Variants in COL21A1 observed in about 807,000 individuals in gnomAD.
COL21A1 encodes collagen type XXI alpha 1 chain.
In COL21A1, 149 loss-of-function variants were observed where a neutral mutation model predicts 137.9. The observed-to-expected ratio is 1.08, with a 90% CI of 0.95 to 1.24. The LOEUF (loss-of-function observed/expected upper bound fraction) is 1.24, where lower values mean the gene tolerates loss of function less well. COL21A1 is among the 50% of genes most tolerant of loss of function. The pLI is 0.00. For missense variants in COL21A1, 1,167 were observed against 1,158.4 expected (o/e 1.01, Z -0.11); for synonymous variants, 456 against 391.5 (o/e 1.16, Z -1.95).
chr6:56,238,720 G>A (rs1358187750), intron 1 of COL21A1, among the ~76,000 whole-genome samples: 2 of 152,094 alleles, frequency 1.3e-5, no homozygotes, highest in African/African-American at 4.8e-5. Context: ...GTACTAGGTG[G>A]ATAATGGCTA....
At chr6:56,244,989 G>T (rs1782561190) in intron 1 of COL21A1, among the ~76,000 whole-genome samples, 1 of 152,140 alleles carries the variant, frequency 6.6e-6, no homozygotes, top group Admixed American at 6.6e-5. Context: ...AGGAAGAAAA[G>T]GACTCATTAC....
At chr6:56,188,523 C>T (rs1463885421) in intron 1 of COL21A1, among the ~76,000 whole-genome samples, 1 of 152,206 alleles carries the variant, frequency 6.6e-6, no homozygotes, top group African/African-American at 2.4e-5. Context: ...TCTCCCTGGA[C>T]AGAGCACCTG....
intron 16 of COL21A1, among the ~76,000 whole-genome samples, chr6:56,122,486 T>G (rs902843409): frequency 2.0e-5 from 3 of 152,130 alleles, no homozygotes; most frequent in Non-Finnish European, 4.4e-5. Context: ...CTAATTTTTT[T>G]GTATTTTTAA....
chr6:56,222,526 C>T lies in COL21A1; in HGVS notation c.-39+24861G>A, dbSNP rs1780901968. ...AGAATATAAAACAAAAGAGGCATTGCTTCTCTAGGGAGTAATTAAATTTAA... is the reference window on the plus strand; with the variant it reads ...AGAATATAAAACAAAAGAGGCATTGTTTCTCTAGGGAGTAATTAAATTTAA... On this transcript the variant is annotated intron_variant, in intron 1 of 29. Coordinates refer to ENST00000244728, the MANE Select transcript of COL21A1 (RefSeq NM_030820.4). Among the ~76,000 whole-genome samples, 3 of 152,100 alleles carry T rather than the reference C, an allele frequency of 2.0e-5. No homozygotes were observed. In the South Asian group the frequency reaches 6.2e-4, roughly 32 times the overall value.
At chr6:56,070,245 T>C (rs1766626101) in intron 21 of COL21A1, among the ~76,000 whole-genome samples, 1 of 151,570 alleles carries the variant, frequency 6.6e-6, no homozygotes, top group Admixed American at 6.6e-5. Flanking sequence ...CTTTGCTTAC[T>C]GTACTTACTT....
At chr6:56,271,084 G>A (rs867556598) in intron 1 of COL21A1, among the ~76,000 whole-genome samples, 28 of 152,172 alleles carry the variant, frequency 1.8e-4, no homozygotes, top group African/African-American at 6.3e-4. Flanking sequence ...CAGTTTGGAT[G>A]GCGCAGAAGA....
chr6:56,342,611 C>T (rs550931942), intron 1 of COL21A1, among the ~76,000 whole-genome samples: 2 of 152,158 alleles, frequency 1.3e-5, no homozygotes, highest in Non-Finnish European at 2.9e-5. Context: ...GTCATTTCTG[C>T]TTTCATTTTT....
At chr6:56,156,079 T>C (rs1775722158) in intron 10 of COL21A1, among the ~76,000 whole-genome samples, 1 of 152,236 alleles carries the variant, frequency 6.6e-6, no homozygotes, top group South Asian at 2.1e-4. Context: ...GTGTATACAT[T>C]ATTAGGAAAA....
At chr6:56,218,444 T>C (rs2152310839) in intron 1 of COL21A1, among the ~76,000 whole-genome samples, 2 of 152,252 alleles carry the variant, frequency 1.3e-5, no homozygotes, top group Middle Eastern at 6.8e-3. Flanking sequence ...CTTGTTATTG[T>C]TATAAATCTA....
chr6:56,061,649 C>A lies in COL21A1; in HGVS notation c.2205G>T (p.Glu735Asp), dbSNP rs868511996. The change falls in exon 25 of 30, where the codon GAG (glutamate) becomes GAT (aspartate). Residue 735 changes from glutamate to aspartate, a missense_variant and splice_region_variant. Coordinates refer to ENST00000244728, the MANE Select transcript of COL21A1 (RefSeq NM_030820.4). ...GIQGHHGAKG[E>D]RGEKGEPGVR... The stretch of plus-strand genomic sequence containing the variant: ...GAGCATAATATATGAAGAAACATAC[C>A]TCTCCTTTTGCACCATGATGGCCTT... 6.3e-7 allele frequency: 1 copy of A among 1,586,724 alleles called. No individual in the cohort carries two copies. The highest frequency in any genetic ancestry group is 2.3e-5 in the East Asian group (1 of 44,042).
chr6:56,302,158 T>G (rs1423346301), intron 1 of COL21A1, among the ~76,000 whole-genome samples: 2 of 151,954 alleles, frequency 1.3e-5, no homozygotes, highest in African/African-American at 4.8e-5. Flanking sequence ...TTCCAAGTCT[T>G]TGCTATTGTG....
chr6:56,351,480 A>C (rs1765709974), intron 1 of COL21A1, among the ~76,000 whole-genome samples: 1 of 152,208 alleles, frequency 6.6e-6, no homozygotes, highest in Non-Finnish European at 1.5e-5. Context: ...GAACCAGTAA[A>C]TGGGGGACCT....
rs1767367194 is a variant in COL21A1, at chr6:56,077,664, T to C, written c.1813-91A>G. The stretch of plus-strand genomic sequence containing the variant: ...CAGTCACAATTGGAATTTTAACTGG[T>C]AAATAACATATTTTCAAATGTATAC... On this transcript the variant is annotated intron_variant, in intron 17 of 29. Coordinates refer to ENST00000244728, the MANE Select transcript of COL21A1 (RefSeq NM_030820.4). 7 of 702,388 alleles carry C rather than the reference T, an allele frequency of 1.0e-5. No homozygotes were observed. In the South Asian group the frequency reaches 1.3e-4, roughly 13 times the overall value. 43.5% of individuals were successfully genotyped at this position (702,388 alleles called of 1,614,324 possible).
chr6:56,290,498 G>GGTT (rs371058894), intron 1 of COL21A1, among the ~76,000 whole-genome samples: 3 of 132,958 alleles, frequency 2.3e-5, no homozygotes, highest in Non-Finnish European at 3.1e-5. Flanking sequence ...TCACTTAGGA[G>GGTT]ATTTTTTTTT....
chr6:56,156,916 G>C lies in COL21A1; in HGVS notation c.1405C>G (p.Pro469Ala), dbSNP rs1775784979. Residue 469 changes from proline (P) to alanine (A), a missense_variant, in exon 10 of 30, where the codon CCT becomes GCT. Transcript: ENST00000244728. The stretch of plus-strand genomic sequence containing the variant: ...TTACCATCTTGACCAGGTTGTCCAG[G>C]GTAGCCAGGGTTCCCAGGCAGTCCA... The part of the protein sequence containing the change: ...DPGLPGNPGY[P>A]GQPGQDGKPG... The C allele has an allele frequency of 4.3e-6, 7 of 1,612,318 alleles. No homozygotes were observed. The highest frequency in any genetic ancestry group is 1.7e-5 in the Admixed American group (1 of 59,802).
intron 18 of COL21A1, 26 bp from the exon 19 acceptor site, chr6:56,075,558 T>C: frequency 2.8e-6 from 4 of 1,446,706 alleles, no homozygotes; most frequent in Non-Finnish European, 3.7e-6. Flanking sequence ...ATTAAAAACA[T>C]TATAAATTGT....
At chr6:56,196,185 A>G (rs1779013185) in intron 1 of COL21A1, among the ~76,000 whole-genome samples, 1 of 152,200 alleles carries the variant, frequency 6.6e-6, no homozygotes, top group South Asian at 2.1e-4. Context: ...CATAATTCAA[A>G]AAACTCAACA....
intron 22 of COL21A1, 146 bp downstream of exon 22, chr6:56,068,900 A>T (rs553819942): frequency 6.5e-5 from 40 of 615,890 alleles, no homozygotes; most frequent in African/African-American, 5.4e-4. Flanking sequence ...ATGGGGCTGA[A>T]CATATTATAC....
intron 1 of COL21A1, among the ~76,000 whole-genome samples, chr6:56,230,680 T>C (rs527817539): frequency 1.1e-4 from 16 of 151,996 alleles, no homozygotes; most frequent in South Asian, 2.1e-4. Context: ...GCAAAATACC[T>C]TTTGTATGAG....
Sources: gnomAD v4.1 joint callset for allele counts (sites outside exome capture counted in the v4.1 genomes callset) on GRCh38, gnomAD v4.1.1 for gene constraint, MANE v1.5 for transcripts, NCBI Gene and HGNC (gene_info 2026-07-23, HGNC 2026-07-21) for gene names.